The following CALML4 variants were observed in gnomAD, a reference collection of about 807,000 sequenced individuals.
The protein encoded by CALML4 is calmodulin like 4.
In CALML4, 16 loss-of-function variants were observed where a neutral mutation model predicts 17.9. The ratio of observed to expected loss-of-function variants is 0.89; its 90% CI spans 0.61 to 1.36. CALML4 has a LOEUF of 1.36. Among genes scored for constraint, CALML4 ranks in the 40% most tolerant of loss-of-function variants. The pLI is 0.00. For synonymous variants in CALML4, 86 were observed against 71.5 expected (o/e 1.20, Z -1.02); for missense variants, 203 against 194.8 (o/e 1.04, Z -0.25).
chr15:68,194,766 T>TA (rs959684727), intron 4 of CALML4, among the ~76,000 whole-genome samples: 1 of 152,070 alleles, frequency 6.6e-6, no homozygotes, highest in Non-Finnish European at 1.5e-5. Flanking sequence ...CTGGAGTTTT[T>TA]ACCTTCCGCA....
At chr15:68,196,890 G>A (rs1261687103) in intron 4 of CALML4, among the ~76,000 whole-genome samples, 1 of 152,222 alleles carries the variant, frequency 6.6e-6, no homozygotes, top group Non-Finnish European at 1.5e-5. Context: ...TCCCTCTGGA[G>A]CCCCTTTCTG....
chr15:68,194,257 C>G (rs925306722), intron 4 of CALML4, 145 bp from the exon 5 acceptor site: 1 of 623,312 alleles, frequency 1.6e-6, no homozygotes, highest in African/African-American at 1.8e-5. Flanking sequence ...AACCAGTGAA[C>G]AGAAAGGGAC....
intron 2 of CALML4, among the ~76,000 whole-genome samples, chr15:68,202,286 A>G (rs1001820280): frequency 2.0e-5 from 3 of 152,254 alleles, no homozygotes; most frequent in African/African-American, 7.2e-5. Flanking sequence ...CAAATAATAC[A>G]GAAATGTACA....
At position 68,204,613 on chromosome 15, in the gene CALML4, G is replaced by A. The variant is rs1198459591; in HGVS notation, c.34+508C>T. Among the ~76,000 whole-genome samples the A allele has an allele frequency of 1.3e-5, 2 of 152,338 alleles. No homozygotes were observed. Among genetic ancestry groups the A allele is most frequent in the Non-Finnish European group, 1.5e-5 (1 of 68,028 alleles). On this transcript the variant is annotated intron_variant, in intron 2 of 4. Transcript: ENST00000467889. The surrounding 1 kb of genome is among the most constrained non-coding windows in gnomAD (Gnocchi z 6.0). The stretch of plus-strand genomic sequence containing the variant: ...GAGGGCTGGCAGAGTAGGGGACCCA[G>A]GGAATAAAGTGCTCACGCCCAAACC...
At position 68,193,880 on chromosome 15, in the gene CALML4, G is replaced by A. The variant is rs2093131296; in HGVS notation, c.*135C>T. 1 of 621,678 alleles carries A rather than the reference G, an allele frequency of 1.6e-6. No individual in the cohort carries two copies. Among genetic ancestry groups the A allele is most frequent in the Non-Finnish European group, 2.9e-6 (1 of 344,174 alleles). 38.5% of individuals were successfully genotyped at this position (621,678 alleles called of 1,614,324 possible). ...AATCATCTATTATTGTTGCTAGTTA[G>A]CCTCTCTTCTATAGTTGGGTAATGT... On this transcript the variant is annotated 3_prime_UTR_variant, in exon 5 of 5. Coordinates refer to ENST00000467889, the MANE Select transcript of CALML4 (RefSeq NM_033429.3).
At chr15:68,202,279 A>G (rs1299165173) in intron 2 of CALML4, among the ~76,000 whole-genome samples, 1 of 152,240 alleles carries the variant, frequency 6.6e-6, no homozygotes, top group Non-Finnish European at 1.5e-5. Context: ...CAATTTACAA[A>G]TAATACAGAA....
chr15:68,194,036 G>T lies in CALML4; in HGVS notation c.441C>A (p.Thr147=). 1 of 1,613,766 alleles carries T rather than the reference G, an allele frequency of 6.2e-7. No individual in the cohort carries two copies. The highest frequency in any genetic ancestry group is 1.3e-5 in the African/African-American group (1 of 75,046). ...TCCTTCAATAGTCCCGTCCAGGAAG[G>T]GTGATCTTGTGGATAAATTCATCAT... is the stretch of plus-strand genomic sequence containing the variant. ...VKYDEFIHKI[T]LPGRDY Residue 147 remains threonine, a synonymous_variant, in exon 5 of 5, where the codon ACC becomes ACA. Coordinates refer to ENST00000467889, the MANE Select transcript of CALML4 (RefSeq NM_033429.3).
At chr15:68,201,323 A>G (rs2093164885) in intron 2 of CALML4, among the ~76,000 whole-genome samples, 1 of 152,164 alleles carries the variant, frequency 6.6e-6, no homozygotes, top group South Asian at 2.1e-4. Flanking sequence ...CCCCAGGTTT[A>G]GTTCCCATAA....
At position 68,200,745 on chromosome 15, in the gene CALML4, A is replaced by G. The variant is rs2093162888; in HGVS notation, c.35-1064T>C. On this transcript the variant is annotated intron_variant, in intron 2 of 4. Transcript: ENST00000467889. This position sits in a 1 kb window ranked among gnomAD's most constrained non-coding sequence, Gnocchi z 4.3. The stretch of plus-strand genomic sequence containing the variant: ...CTCTCTCCTGCTTCTCACACCACCC[A>G]GGTAGGTCCTTAGAGGCCTGGACAA... Among the ~76,000 whole-genome samples the G allele has an allele frequency of 6.6e-6, 1 of 152,172 alleles. No individual in the cohort carries two copies.
intron 4 of CALML4, among the ~76,000 whole-genome samples, chr15:68,194,448 A>G (rs1045436715): frequency 2.2e-4 from 33 of 151,150 alleles, no homozygotes; most frequent in African/African-American, 8.0e-4. Context: ...CAGTGGCACA[A>G]TCTCAGCTCA....
chr15:68,200,155 C>CA lies in CALML4; in HGVS notation c.35-475dup, dbSNP rs1042810774. Among the ~76,000 whole-genome samples the CA allele has an allele frequency of 2.0e-4, 30 of 152,162 alleles. No individual in the cohort carries two copies. Among genetic ancestry groups the CA allele is most frequent in the Admixed American group, 1.3e-4 (2 of 15,278 alleles). On this transcript the variant is annotated intron_variant, in intron 2 of 4. Coordinates refer to ENST00000467889, the MANE Select transcript of CALML4 (RefSeq NM_033429.3). This position sits in a 1 kb window ranked among gnomAD's most constrained non-coding sequence, Gnocchi z 4.3. ...GACCCCCAGGGGACCTCTGCAAACA[C>CA]AACTTTTCTGGACAATGGGAATAAT...
chr15:68,205,345 G>A (rs2093179512), upstream of CALML4: 2 of 1,613,968 alleles, frequency 1.2e-6, no homozygotes, highest in African/African-American at 1.3e-5. The surrounding 1 kb of genome is among the most constrained non-coding windows in gnomAD (Gnocchi z 4.8). Flanking sequence ...CAAGCTGGGT[G>A]GAGGCCCGGG....
At chr15:68,194,208 C>G (rs532768141) in intron 4 of CALML4, 96 bp from the exon 5 acceptor site, 1 of 856,906 alleles carries the variant, frequency 1.2e-6, no homozygotes, top group African/African-American at 1.7e-5. Context: ...AAGGTCTTCC[C>G]TGAGCGTGCA....
Position 68,193,790 on chromosome 15 carries a change from G to C in CALML4, c.*225C>G. On this transcript the variant is annotated 3_prime_UTR_variant, in exon 5 of 5. Coordinates refer to ENST00000467889, the MANE Select transcript of CALML4 (RefSeq NM_033429.3). Reference sequence around the variant, plus strand: ...GCTCCTTCCATGCTTGAAAGGGCCGGACTCACGGTAGTTAATAAAATCAAT... The same window carrying C: ...GCTCCTTCCATGCTTGAAAGGGCCGCACTCACGGTAGTTAATAAAATCAAT... 2 of 472,220 alleles carry C rather than the reference G, an allele frequency of 4.2e-6. No individual in the cohort carries two copies. The highest frequency in any genetic ancestry group is 7.6e-6 in the Non-Finnish European group (2 of 262,048). 29.3% of individuals were successfully genotyped at this position (472,220 alleles called of 1,614,324 possible).
intron 3 of CALML4, among the ~76,000 whole-genome samples, chr15:68,199,283 C>T (rs1489091524): frequency 1.3e-5 from 2 of 152,060 alleles, no homozygotes; most frequent in Non-Finnish European, 2.9e-5. Context: ...GCTGTCAGCG[C>T]GATTTTTCTC....
At chr15:68,201,826 G>GA (rs1019713750) in intron 2 of CALML4, among the ~76,000 whole-genome samples, 3 of 152,182 alleles carry the variant, frequency 2.0e-5, no homozygotes, top group African/African-American at 7.2e-5. Context: ...GGGTGCTGGA[G>GA]ACCCAGCTGG....
chr15:68,199,851 C>T (rs781609287), intron 2 of CALML4, 170 bp from the exon 3 acceptor site: 31 of 579,602 alleles, frequency 5.3e-5, no homozygotes, highest in Non-Finnish European at 8.5e-5. Flanking sequence ...TACAGGACTG[C>T]CAAGTTAAAC....
At chr15:68,203,194 C>T (rs995925110) in intron 2 of CALML4, among the ~76,000 whole-genome samples, 4 of 152,328 alleles carry the variant, frequency 2.6e-5, no homozygotes, top group East Asian at 1.9e-4. Flanking sequence ...AGGTGATCCA[C>T]ATGCCTCGGC....
In CALML4 at chr15:68,204,711, G is replaced by A. The variant is rs570070239; in HGVS notation, c.34+410C>T. On this transcript the variant is annotated intron_variant, in intron 2 of 4. Transcript: ENST00000467889. The surrounding 1 kb of genome is among the most constrained non-coding windows in gnomAD (Gnocchi z 6.0). Reference sequence around the variant, plus strand: ...AGATAGGGAGACTGAGGCGCAGAGAGTAGACGCATCCTGCCAGAGAGTGCA... The same window carrying A: ...AGATAGGGAGACTGAGGCGCAGAGAATAGACGCATCCTGCCAGAGAGTGCA... 5.3e-5 allele frequency among the ~76,000 whole-genome samples: 8 copies of A among 152,286 alleles called. No homozygotes were observed. The highest frequency in any genetic ancestry group is 4.6e-4 in the Admixed American group (7 of 15,298).
Sources: gnomAD v4.1 joint callset for allele counts (sites outside exome capture counted in the v4.1 genomes callset) on GRCh38, gnomAD v4.1.1 for gene constraint, Gnocchi (gnomAD v3.1) non-coding constraint, MANE v1.5 for transcripts, NCBI Gene and HGNC (gene_info 2026-07-23, HGNC 2026-07-21) for gene names.